The following POLR3A variants were observed in gnomAD, a reference collection of about 807,000 sequenced individuals.
POLR3A encodes RNA polymerase III subunit A, also known as DNA-directed RNA polymerase III subunit RPC1.
In POLR3A, 112 loss-of-function variants were observed where a neutral mutation model predicts 152.8. The ratio of observed to expected loss-of-function variants is 0.73; its 90% CI spans 0.63 to 0.86. The LOEUF (loss-of-function observed/expected upper bound fraction) is 0.86. POLR3A is among the 40% of genes least tolerant of loss of function. The pLI, the probability that POLR3A is intolerant of heterozygous loss-of-function variation, is 0.00. For synonymous variants in POLR3A, 615 were observed against 652.1 expected (o/e 0.94, Z 0.87); for missense variants, 1,385 against 1,743.1 (o/e 0.79, Z 3.66).
chr10:78,008,609 G>C (rs79341089), intron 14 of POLR3A, among the ~76,000 whole-genome samples: 1 of 152,166 alleles, frequency 6.6e-6, no homozygotes, highest in Non-Finnish European at 1.5e-5. Flanking sequence ...GTGAGTGAAC[G>C]TGCTCACATC....
rs1282908788 is a variant in POLR3A at position 77,991,161 on chromosome 10, A to G, written c.2794T>C (p.Phe932Leu). The part of the protein sequence containing the change: ...KRVLDNIKAV[F>L]PCPSEPALSK... ...AGAGCAGGCTCACTGGGACACGGGA[A>G]GACTGCCTTGAGTATTAAAAGAAAA... Residue 932 changes from phenylalanine to leucine, a missense_variant, in exon 21 of 31, where the codon TTC becomes CTC. Around this residue, in one of 7 missense-constraint regions of POLR3A, gnomAD observed 178 missense variants for 204.6 expected, o/e 0.87. Transcript: ENST00000372371. 55 of 1,602,992 alleles carry G rather than the reference A, an allele frequency of 3.4e-5. No individual in the cohort carries two copies. Among genetic ancestry groups the G allele is most frequent in the Non-Finnish European group, 4.5e-5 (53 of 1,169,916 alleles).
chr10:78,018,736 C>A (rs1847549481), intron 9 of POLR3A, among the ~76,000 whole-genome samples: 2 of 151,976 alleles, frequency 1.3e-5, no homozygotes, highest in African/African-American at 4.8e-5. Context: ...ACGTGTGCTA[C>A]CGTGCCCAGC....
intron 1 of POLR3A, among the ~76,000 whole-genome samples, chr10:78,028,841 C>A (rs1393407456): frequency 6.6e-6 from 1 of 151,972 alleles, no homozygotes; most frequent in Non-Finnish European, 1.5e-5. Context: ...GAAGGAGCCA[C>A]CGCCTAATAA....
intron 15 of POLR3A, among the ~76,000 whole-genome samples, chr10:78,005,613 C>T (rs1456601126): frequency 6.6e-6 from 1 of 152,146 alleles, no homozygotes; most frequent in African/African-American, 2.4e-5. Flanking sequence ...GACTAATGGG[C>T]CTGGAAAGGC....
In POLR3A at chr10:78,019,256, CTTTG is replaced by C; in HGVS notation, c.1191_1194del (p.Asn397LysfsTer7). On this transcript the variant is annotated frameshift_variant, in exon 9 of 31. Coordinates refer to ENST00000372371, the MANE Select transcript of POLR3A (RefSeq NM_007055.4). LOFTEE classifies it high-confidence loss of function. ...AGTTTCCTCAAGAAATTGATGTTTG[CTTTG>C]TTTACCTGCAGTACAAAAAAACCAC... is the stretch of plus-strand genomic sequence containing the variant. 1 of 1,612,430 alleles carries C rather than the reference CTTTG, an allele frequency of 6.2e-7. No homozygotes were observed. The highest frequency in any genetic ancestry group is 1.1e-5 in the South Asian group (1 of 91,048).
intron 10 of POLR3A, among the ~76,000 whole-genome samples, chr10:78,015,638 C>CA (rs1314178454): frequency 6.6e-6 from 1 of 151,092 alleles, no homozygotes; most frequent in Non-Finnish European, 1.5e-5. Context: ...AATTTTCAAA[C>CA]AAAAAAAATT....
chr10:78,025,215 C>T (rs543117937), intron 3 of POLR3A, 73 bp from the exon 4 acceptor site: 20 of 1,545,926 alleles, frequency 1.3e-5, no homozygotes, highest in South Asian at 4.5e-5. Context: ...AAAATGCCAT[C>T]GCCCTGTTTT....
chr10:78,027,266 T>C (rs987396738), intron 1 of POLR3A, among the ~76,000 whole-genome samples: 9 of 152,228 alleles, frequency 5.9e-5, no homozygotes, highest in African/African-American at 2.2e-4. Flanking sequence ...AATCAGTATA[T>C]ACTGGAGCAT....
chr10:78,019,136 A>G, intron 9 of POLR3A, 26 bp downstream of exon 9: 1 of 1,516,282 alleles, frequency 6.6e-7, no homozygotes, highest in Non-Finnish European at 9.2e-7. Context: ...AAGTAGTTAA[A>G]TCCAACTAGA....
chr10:78,002,850 T>C (rs1399167784), intron 16 of POLR3A, among the ~76,000 whole-genome samples: 1 of 152,140 alleles, frequency 6.6e-6, no homozygotes, highest in Non-Finnish European at 1.5e-5. Context: ...ACTTGAAGAA[T>C]CCTTTAAATG....
At chr10:77,979,655 T>G (rs549001350) in intron 30 of POLR3A, among the ~76,000 whole-genome samples, 1 of 152,194 alleles carries the variant, frequency 6.6e-6, no homozygotes, top group Non-Finnish European at 1.5e-5. Context: ...TCAAAGGGCT[T>G]AATATCCACA....
In POLR3A at chr10:78,000,135, A is replaced by G. The variant is rs757755948; in HGVS notation, c.2479-17T>C. The G allele has an allele frequency of 6.2e-6, 10 of 1,613,752 alleles. No homozygotes were observed. The highest frequency in any genetic ancestry group is 8.5e-6 in the Non-Finnish European group (10 of 1,179,808). On this transcript the variant is annotated splice_polypyrimidine_tract_variant and intron_variant, in intron 18 of 30. Transcript: ENST00000372371. ...AGCTGGGAGCTAAAGAGAGGTAGAA[A>G]AAAGAAAAATCAAACAAAAAAAGTT...
Position 78,022,179 on chromosome 10 carries a change from G to T in POLR3A, c.851C>A (p.Thr284Lys). The change falls in exon 6 of 31, where the codon ACA becomes AAA. Residue 284 changes from threonine to lysine, a missense_variant. Thr to Lys is a moderately conservative substitution (Grantham distance 78). Transcript: ENST00000372371. The part of the protein sequence containing the change: ...TNEDDLTMKL[T>K]EIIFLNDVIK... Reference sequence around the variant, plus strand: ...AACATCGTTTAGGAAAATGATTTCTGTCAGTTTCATTGTCAGATCATCTTC... The same window carrying T: ...AACATCGTTTAGGAAAATGATTTCTTTCAGTTTCATTGTCAGATCATCTTC... 2 of 1,614,112 alleles carry T rather than the reference G, an allele frequency of 1.2e-6. No homozygotes were observed. The highest frequency in any genetic ancestry group is 1.7e-6 in the Non-Finnish European group (2 of 1,179,958).
At position 78,010,518 on chromosome 10, in the gene POLR3A, G is replaced by A. The variant is rs746364633; in HGVS notation, c.1595C>T (p.Pro532Leu). The A allele has an allele frequency of 1.3e-5, 21 of 1,613,850 alleles. No homozygotes were observed. Among genetic ancestry groups the A allele is most frequent in the South Asian group, 3.3e-5 (3 of 91,074 alleles). ...LMGTKANLVT[P>L]RNGEPLIAAI... is the part of the protein sequence containing the mutation. ...AGCAATCAGCGGTTCCCCATTCCTC[G>A]GGGTTACAAGATTTGCTTTAGTCTG... The change falls in exon 12 of 31, where the codon CCG becomes CTG. Residue 532 changes from proline (P) to leucine (L), a missense_variant. Pro to Leu is a moderately conservative substitution (Grantham distance 98). Coordinates refer to ENST00000372371, the MANE Select transcript of POLR3A (RefSeq NM_007055.4).
intron 19 of POLR3A, 96 bp downstream of exon 19, chr10:77,999,885 A>G: frequency 4.0e-6 from 5 of 1,240,112 alleles, no homozygotes; most frequent in Non-Finnish European, 3.5e-6. Context: ...AAGACTAGAT[A>G]AATTACAGCT....
At chr10:77,985,409 G>A (rs1847187239) in intron 23 of POLR3A, 69 bp from the exon 24 acceptor site, 2 of 1,217,298 alleles carry the variant, frequency 1.6e-6, no homozygotes, top group Admixed American at 3.4e-5. Context: ...GCTGGGGAGA[G>A]GCTTCTGGTT....
chr10:78,010,588 T>C (rs975486227), intron 11 of POLR3A, 48 bp from the exon 12 acceptor site: 17 of 1,333,364 alleles, frequency 1.3e-5, no homozygotes, highest in Non-Finnish European at 1.7e-5. Flanking sequence ...GGATGCATGA[T>C]GCAGCCCAAA....
chr10:78,024,497 G>A, intron 5 of POLR3A, 52 bp downstream of exon 5: 1 of 1,598,860 alleles, frequency 6.3e-7, no homozygotes, highest in Non-Finnish European at 8.5e-7. Context: ...GTGACGTGCG[G>A]AAGAGGCAGG....
chr10:78,016,287 G>A (rs1056858174), intron 10 of POLR3A, among the ~76,000 whole-genome samples: 1 of 151,990 alleles, frequency 6.6e-6, no homozygotes, highest in Non-Finnish European at 1.5e-5. Context: ...TCAATTTTCT[G>A]GCTAGGCACA....
Sources: allele counts gnomAD v4.1 joint callset (sites outside exome capture counted in the v4.1 genomes callset), GRCh38; gene constraint gnomAD v4.1.1; regional missense constraint gnomAD v4.1.1; transcripts MANE v1.5; gene names NCBI Gene and HGNC (gene_info 2026-07-23, HGNC 2026-07-21).